Variants in DGLUCY observed in about 807,000 individuals in gnomAD.
The protein encoded by DGLUCY is D-glutamate cyclase, mitochondrial.
In DGLUCY, 58 loss-of-function variants were observed where a neutral mutation model predicts 58.5. The observed-to-expected ratio is 0.99, with a 90% CI of 0.80 to 1.23. The LOEUF is 1.23. DGLUCY is among the 50% of genes most tolerant of loss of function. The probability of loss-of-function intolerance (pLI) is 0.00; values close to 1 mark genes in which losing one functional copy is unlikely to be tolerated. For missense variants in DGLUCY, 779 were observed against 784.7 expected, an observed-to-expected ratio of 0.99 and a Z score of 0.09; for synonymous variants, 325 against 314.1, an observed-to-expected ratio of 1.03 and a Z score of -0.37.
At chr14:91,121,466 A>G (rs2045354440) in intron 1 of DGLUCY, among the ~76,000 whole-genome samples, 1 of 152,152 alleles carries the variant, frequency 6.6e-6, no homozygotes, top group Non-Finnish European at 1.5e-5. Context: ...AGGTGGGTGG[A>G]TCACCTGAAA....
chr14:91,199,465 C>T (rs556945982), intron 10 of DGLUCY, among the ~76,000 whole-genome samples: 2 of 108,502 alleles, frequency 1.8e-5, no homozygotes, highest in South Asian at 5.4e-4. Flanking sequence ...GTTGGCCGGG[C>T]TGTTCTCGAA....
intron 9 of DGLUCY, among the ~76,000 whole-genome samples, chr14:91,190,748 G>A (rs2049832545): frequency 6.6e-6 from 1 of 152,146 alleles, no homozygotes; most frequent in African/African-American, 2.4e-5. Context: ...GAGGTAACAG[G>A]GACCAGATGG....
chr14:91,079,266 G>A (rs182813344), intron 1 of DGLUCY, among the ~76,000 whole-genome samples: 5 of 151,934 alleles, frequency 3.3e-5, no homozygotes, highest in South Asian at 2.1e-4. Flanking sequence ...AATATTATAC[G>A]CTGCCCTTTT....
intron 1 of DGLUCY, among the ~76,000 whole-genome samples, chr14:91,086,838 C>G (rs2044229597): frequency 6.6e-6 from 1 of 152,182 alleles, no homozygotes; most frequent in Non-Finnish European, 1.5e-5. Flanking sequence ...ACTGCAACCT[C>G]CACCTCCGAG....
At chr14:91,159,187 C>T (rs2047837413) in intron 2 of DGLUCY, among the ~76,000 whole-genome samples, 1 of 151,452 alleles carries the variant, frequency 6.6e-6, no homozygotes, top group Non-Finnish European at 1.5e-5. Context: ...TGGCTCACGC[C>T]TGTAATCCCA....
intron 13 of DGLUCY, among the ~76,000 whole-genome samples, chr14:91,217,577 C>G (rs537601049): frequency 4.6e-5 from 7 of 151,676 alleles, no homozygotes; most frequent in Non-Finnish European, 8.8e-5. Flanking sequence ...CTCCACCCCC[C>G]AAGTTCAAGC....
At chr14:91,165,016 G>A (rs4904755) in intron 3 of DGLUCY, among the ~76,000 whole-genome samples, 41,151 of 152,130 alleles carry the variant, frequency 0.27, 6,320 homozygotes, top group Non-Finnish European at 0.34. Context: ...CCTACCTGGT[G>A]TTCTGTTGTA....
intron 1 of DGLUCY, among the ~76,000 whole-genome samples, chr14:91,078,979 C>T (rs1177467860): frequency 6.6e-6 from 1 of 151,644 alleles, no homozygotes; most frequent in Non-Finnish European, 1.5e-5. Flanking sequence ...TCTCAGCTCA[C>T]TGCAACCTCC....
chr14:91,192,642 A>G (rs1217845240), intron 9 of DGLUCY, among the ~76,000 whole-genome samples: 1 of 152,094 alleles, frequency 6.6e-6, no homozygotes, highest in Non-Finnish European at 1.5e-5. Flanking sequence ...TCTACTAAAA[A>G]TACAAAAATT....
chr14:91,137,554 T>G (rs75096403), intron 1 of DGLUCY, among the ~76,000 whole-genome samples: 1 of 65,570 alleles, frequency 1.5e-5, no homozygotes, highest in African/African-American at 6.3e-5. Flanking sequence ...CCTGGCTAAT[T>G]TTTTTTTTTT....
At chr14:91,193,356 G>A (rs1293113467) in intron 9 of DGLUCY, among the ~76,000 whole-genome samples, 2 of 152,158 alleles carry the variant, frequency 1.3e-5, no homozygotes, top group Non-Finnish European at 2.9e-5. Flanking sequence ...TGACAGCCTG[G>A]CTTGGAGACG....
At chr14:91,072,671 A>T (rs2043942733) in intron 1 of DGLUCY, among the ~76,000 whole-genome samples, 1 of 150,740 alleles carries the variant, frequency 6.6e-6, no homozygotes, top group South Asian at 2.1e-4. Flanking sequence ...AAAACAAAAA[A>T]CAAAACTTCC....
chr14:91,167,450 C>T, intron 4 of DGLUCY, 72 bp downstream of exon 4: 1 of 1,585,790 alleles, frequency 6.3e-7, no homozygotes, highest in African/African-American at 1.3e-5. Context: ...TCTCTGTCAT[C>T]CGGGACCTCT....
intron 1 of DGLUCY, among the ~76,000 whole-genome samples, chr14:91,151,812 A>G (rs2047356072): frequency 6.6e-6 from 1 of 151,382 alleles, no homozygotes; most frequent in African/African-American, 2.4e-5. Context: ...GCGCCTCCAC[A>G]CCTGGCTAAT....
intron 1 of DGLUCY, among the ~76,000 whole-genome samples, chr14:91,154,693 T>G (rs1445921661): frequency 3.9e-5 from 6 of 152,206 alleles, no homozygotes; most frequent in Non-Finnish European, 8.8e-5. Context: ...GCTCCTTCTC[T>G]GCCCTGCGCT....
At chr14:91,209,906 A>T (rs745355504) in intron 12 of DGLUCY, among the ~76,000 whole-genome samples, 29 of 152,216 alleles carry the variant, frequency 1.9e-4, no homozygotes, top group Admixed American at 2.0e-4. Context: ...CATTAATTTC[A>T]GACATAGCAG....
At chr14:91,215,313 C>G in intron 12 of DGLUCY, 92 bp from the exon 13 acceptor site, 3 of 1,513,138 alleles carry the variant, frequency 2.0e-6, no homozygotes, top group Non-Finnish European at 2.7e-6. Flanking sequence ...GGACCGTGGA[C>G]CAGTCCTGCA....
chr14:91,164,339 G>T (rs1032599842), intron 3 of DGLUCY, among the ~76,000 whole-genome samples: 1 of 152,204 alleles, frequency 6.6e-6, no homozygotes, highest in African/African-American at 2.4e-5. Context: ...AGTATGCACA[G>T]CTCTGTCACC....
chr14:91,104,124 G>A (rs1012835445), upstream of DGLUCY, among the ~76,000 whole-genome samples: 1 of 145,294 alleles, frequency 6.9e-6, no homozygotes, highest in Non-Finnish European at 1.5e-5. Context: ...GTGCAGTGGT[G>A]CGATCTCGGC....
Sources: gnomAD v4.1 joint callset for allele counts (sites outside exome capture counted in the v4.1 genomes callset) on GRCh38, gnomAD v4.1.1 for gene constraint, MANE v1.5 for transcripts, NCBI Gene and HGNC (gene_info 2026-07-23, HGNC 2026-07-21) for gene names.